The following DACT2 variants were observed in gnomAD, a reference collection of about 807,000 sequenced individuals.
The protein encoded by DACT2 is dapper homolog 2.
A neutral mutation model predicts 22.2 loss-of-function variants in DACT2; 20 were observed. That is an observed-to-expected ratio of 0.90 (90% CI 0.63 to 1.31). The LOEUF is 1.31. Among genes scored for constraint, DACT2 ranks in the 50% most tolerant of loss-of-function variants. The probability of loss-of-function intolerance (pLI) is 0.00; values close to 1 mark genes in which losing one functional copy is unlikely to be tolerated. For synonymous variants in DACT2, 463 were observed against 479.8 expected (o/e 0.96, Z 0.46); for missense variants, 1,048 against 1,061.4 (o/e 0.99, Z 0.18).
chr6:168,297,575 G>T (rs1779029324), intron 3 of DACT2, among the ~76,000 whole-genome samples: 1 of 152,200 alleles, frequency 6.6e-6, no homozygotes, highest in South Asian at 2.1e-4. Flanking sequence ...ACTCAGCCCA[G>T]GGAGAATGAT....
exon 6 of DACT2, chr6:168,293,787 AG>A: frequency 1.4e-6 from 1 of 692,118 alleles, no homozygotes; most frequent in Admixed American, 2.0e-5. Context: ...TGGCGGGCAG[AG>A]GGGGGCCGAT....
At chr6:168,309,547 A>T (rs1274610001) in intron 3 of DACT2, among the ~76,000 whole-genome samples, 1 of 98,724 alleles carries the variant, frequency 1.0e-5, no homozygotes, top group Non-Finnish European at 2.1e-5. Context: ...GGCAGGGAGA[A>T]TCGCCAGTTC....
Position 168,308,537 on chromosome 6 carries a change from C to T in DACT2, c.1220G>A (p.Gly407Glu), listed in dbSNP as rs1045150642. 3 of 1,547,042 alleles carry T rather than the reference C, an allele frequency of 1.9e-6. No individual in the cohort carries two copies. In the Admixed American group the frequency reaches 5.9e-5, roughly 30 times the overall value. The change falls in exon 4 of 4, where the codon GGA (glycine) becomes GAA (glutamate). Residue 407 changes from glycine to glutamate, a missense_variant. Coordinates refer to ENST00000366795, the MANE Select transcript of DACT2 (RefSeq NM_214462.5). ...GAGRGGPQQQ[G>E]YMPLEGPQQS... The stretch of plus-strand genomic sequence containing the variant: ...CTGGGGACCCTCAAGGGGCATGTAT[C>T]CCTGCTGCTGGGGCCCGCCCCTGCC...
At chr6:168,311,536 C>A (rs1341590014) in intron 1 of DACT2, among the ~76,000 whole-genome samples, 1 of 104,308 alleles carries the variant, frequency 9.6e-6, no homozygotes, top group South Asian at 3.5e-4. Flanking sequence ...ACACACACAC[C>A]CATCCACACA....
chr6:168,305,432 T>C (rs1049409700), downstream of DACT2, among the ~76,000 whole-genome samples: 5 of 152,200 alleles, frequency 3.3e-5, no homozygotes, highest in African/African-American at 1.2e-4. Context: ...CCCTGTGATC[T>C]TGGCCTGCAA....
intron 3 of DACT2, chr6:168,299,749 T>C (rs1779071579): frequency 6.6e-6 from 1 of 152,306 alleles, no homozygotes; most frequent in Admixed American, 6.5e-5. Context: ...CTCCAGCATG[T>C]CACCATGTGC....
In DACT2 at chr6:168,307,411, T is replaced by C; in HGVS notation, c.*21A>G. On this transcript the variant is annotated 3_prime_UTR_variant, in exon 4 of 4. Coordinates refer to ENST00000366795, the MANE Select transcript of DACT2 (RefSeq NM_214462.5). The surrounding 1 kb of genome is among the most constrained non-coding windows in gnomAD (Gnocchi z 5.3). ...AGGGCCCCTGTGTGCAGCAGGCTTC[T>C]CTTGACGCAGTCACTGCACCTCACA... 2 of 1,551,100 alleles carry C rather than the reference T, an allele frequency of 1.3e-6. No homozygotes were observed. The highest frequency in any genetic ancestry group is 1.4e-5 in the African/African-American group (1 of 73,148).
In DACT2 at chr6:168,308,950, G is replaced by A. The variant is rs1317703469; in HGVS notation, c.807C>T (p.Gly269=). 1.9e-6 allele frequency: 3 copies of A among 1,549,670 alleles called. No individual in the cohort carries two copies. The highest frequency in any genetic ancestry group is 1.7e-6 in the Non-Finnish European group (2 of 1,146,962). ...KYRQDLVSQG[G]REVYPYPSPL... is the part of the protein sequence containing the mutation. ...GGCTGGGGTACGGGTACACCTCCCT[G>A]CCGCCCTGGGACACCAGGTCCTGCC... The change falls in exon 4 of 4, where the codon GGC becomes GGT. Residue 269 remains glycine (G), a synonymous_variant. Transcript: ENST00000366795.
At chr6:168,310,124 C>G in intron 3 of DACT2, 44 bp downstream of exon 3, 13 of 1,544,180 alleles carry the variant, frequency 8.4e-6, no homozygotes, top group Non-Finnish European at 1.1e-5. Context: ...CTGCCATCCC[C>G]TGTGCCTGAG....
Position 168,319,504 on chromosome 6 carries a change from G to A in DACT2, c.130C>T (p.Arg44Trp). ...GGGGGCTGCAGGGCCAGGGCGCCCCGTACCCGCTCCTGCTGCGTGGCTCGC... is the reference window on the plus strand; with the variant it reads ...GGGGGCTGCAGGGCCAGGGCGCCCCATACCCGCTCCTGCTGCGTGGCTCGC... ...GLRATQQERVRGALALQPPPA... is the reference protein window; with the variant it reads ...GLRATQQERVWGALALQPPPA... The change falls in exon 1 of 4, where the codon CGG becomes TGG. Residue 44 changes from arginine to tryptophan, a missense_variant. Arg to Trp is a moderately radical substitution (Grantham distance 101). Transcript: ENST00000366795. The A allele has an allele frequency of 7.6e-7, 1 of 1,320,182 alleles. No homozygotes were observed. Among genetic ancestry groups the A allele is most frequent in the Non-Finnish European group, 9.7e-7 (1 of 1,027,978 alleles). 81.8% of individuals were successfully genotyped at this position (1,320,182 alleles called of 1,614,324 possible).
intron 1 of DACT2, among the ~76,000 whole-genome samples, chr6:168,318,969 C>G (rs1289889018): frequency 6.1e-5 from 1 of 16,354 alleles, no homozygotes; most frequent in Non-Finnish European, 9.7e-5. Context: ...CAGGGGGGAC[C>G]TGGTCCCCGG....
chr6:168,319,419 T>G lies in DACT2; in HGVS notation c.215A>C (p.Glu72Ala), dbSNP rs964819943. 8 of 1,203,692 alleles carry G rather than the reference T, an allele frequency of 6.6e-6. No homozygotes were observed. In the African/African-American group the frequency reaches 1.3e-4, roughly 19 times the overall value. The allele number at this position is 1,203,692 out of a possible 1,614,324, so 74.6% of individuals were successfully genotyped here. A position where few individuals can be genotyped will look rare whatever the true frequency, so the allele number is the denominator to read the frequency against. The part of the protein sequence containing the change: ...HGLHGPEQQL[E>A]AALAALQEQL... ...CTCCTGCAGCGCGGCCAGCGCCGCC[T>G]CCAGCTGCTGCTCGGGGCCGTGGAG... is the stretch of plus-strand genomic sequence containing the variant. The change falls in exon 1 of 4, where the codon GAG (glutamate) becomes GCG (alanine). Residue 72 changes from glutamate (E) to alanine (A), a missense_variant. Coordinates refer to ENST00000366795, the MANE Select transcript of DACT2 (RefSeq NM_214462.5).
intron 1 of DACT2, among the ~76,000 whole-genome samples, chr6:168,319,142 G>A (rs1312243666): frequency 6.6e-6 from 1 of 152,164 alleles, no homozygotes; most frequent in Admixed American, 6.5e-5. Context: ...CACGCACGGC[G>A]GAGCGCGGGC....
In DACT2 at chr6:168,308,102, A is replaced by G; in HGVS notation, c.1655T>C (p.Leu552Pro). The part of the protein sequence containing the change: ...GRGGLQRRPA[L>P]AWEAPGRSCS... Reference sequence around the variant, plus strand: ...GGAGCGCCCGGGTGCCTCCCAGGCCAGGGCTGGCCTCCGCTGGAGCCCGCC... The same window carrying G: ...GGAGCGCCCGGGTGCCTCCCAGGCCGGGGCTGGCCTCCGCTGGAGCCCGCC... Residue 552 changes from leucine (L) to proline (P), a missense_variant, in exon 4 of 4, where the codon CTG (leucine) becomes CCG (proline). By Grantham distance (98) the Leu-to-Pro change is moderately conservative. Transcript: ENST00000366795. The G allele has an allele frequency of 6.5e-7, 1 of 1,545,706 alleles. No homozygotes were observed. Among genetic ancestry groups the G allele is most frequent in the Non-Finnish European group, 8.7e-7 (1 of 1,143,874 alleles).
At chr6:168,299,474 G>A (rs1194505352) in intron 3 of DACT2, 2 of 152,146 alleles carry the variant, frequency 1.3e-5, no homozygotes, top group African/African-American at 4.8e-5. Context: ...AAATAAAAAG[G>A]ATATTTGACA....
At chr6:168,297,534 C>T (rs545768624) in intron 3 of DACT2, among the ~76,000 whole-genome samples, 5 of 152,202 alleles carry the variant, frequency 3.3e-5, no homozygotes, top group Non-Finnish European at 5.9e-5. Flanking sequence ...TTCCCTAGAA[C>T]CTCCGGGAGT....
At chr6:168,306,232 C>T (rs1389917168), downstream of DACT2, among the ~76,000 whole-genome samples, 1 of 152,186 alleles carries the variant, frequency 6.6e-6, no homozygotes, top group African/African-American at 2.4e-5. Flanking sequence ...TCTGCGGGGA[C>T]TTCAACGGCC....
In DACT2 at chr6:168,307,996, G is replaced by C; in HGVS notation, c.1761C>G (p.Ala587=). The stretch of plus-strand genomic sequence containing the variant: ...ACGCCTCAAAGGGGAACAGGGCTTG[G>C]GCTGAGGTCCGGTGGCTCTCCTGCG... The part of the protein sequence containing the change: ...VAPQESHRTS[A]QALFPFEASL... Residue 587 remains alanine (A), a synonymous_variant, in exon 4 of 4, where the codon GCC becomes GCG. Coordinates refer to ENST00000366795, the MANE Select transcript of DACT2 (RefSeq NM_214462.5). The surrounding 1 kb of genome is among the most constrained non-coding windows in gnomAD (Gnocchi z 5.3). 6.4e-7 allele frequency: 1 copy of C among 1,551,148 alleles called. No individual in the cohort carries two copies. The highest frequency in any genetic ancestry group is 8.7e-7 in the Non-Finnish European group (1 of 1,146,826).
chr6:168,306,586 G>C (rs929599139), downstream of DACT2, among the ~76,000 whole-genome samples: 1 of 151,536 alleles, frequency 6.6e-6, no homozygotes, highest in Admixed American at 6.6e-5. Flanking sequence ...GGGATTACAG[G>C]TGCATGTCAC....
Sources: gnomAD v4.1 joint callset for allele counts (sites outside exome capture counted in the v4.1 genomes callset) on GRCh38, gnomAD v4.1.1 for gene constraint, Gnocchi (gnomAD v3.1) non-coding constraint, MANE v1.5 for transcripts, NCBI Gene and HGNC (gene_info 2026-07-23, HGNC 2026-07-21) for gene names.